SCHIP1: variants seen among roughly 807,000 people sequenced by gnomAD.
The protein encoded by SCHIP1 is schwannomin interacting protein 1, also known as schwannomin-interacting protein 1.
In SCHIP1, 8 loss-of-function variants were observed where a neutral mutation model predicts 29.7. The ratio of observed to expected loss-of-function variants is 0.27; its 90% CI spans 0.16 to 0.49. SCHIP1 has a LOEUF of 0.49. SCHIP1 is among the 20% of genes least tolerant of loss of function. The probability of loss-of-function intolerance (pLI) is 0.99; values close to 1 mark genes in which losing one functional copy is unlikely to be tolerated. For synonymous variants in SCHIP1, 76 were observed against 94.9 expected (o/e 0.80, Z 1.16); for missense variants, 193 against 294.6 (o/e 0.66, Z 2.52).
the SCHIP1 span, among the ~76,000 whole-genome samples, chr3:159,803,777 C>T: frequency 1.3e-5 from 2 of 152,198 alleles, no homozygotes; most frequent in Non-Finnish European, 2.9e-5. Flanking sequence ...TCTGTCACAG[C>T]GTTCCTTCGT....
At chr3:159,796,552 CT>C in the SCHIP1 span, among the ~76,000 whole-genome samples, 1 of 152,202 alleles carries the variant, frequency 6.6e-6, no homozygotes, top group Non-Finnish European at 1.5e-5. Flanking sequence ...GCAATGACAT[CT>C]GCAGGTGACA....
At chr3:159,510,789 GC>G in the SCHIP1 span, among the ~76,000 whole-genome samples, 1 of 152,160 alleles carries the variant, frequency 6.6e-6, no homozygotes, top group Non-Finnish European at 1.5e-5. Context: ...AGTGAATATT[GC>G]TGAACAGCTA....
the SCHIP1 span, among the ~76,000 whole-genome samples, chr3:159,785,283 C>A: frequency 6.6e-6 from 1 of 152,212 alleles, no homozygotes. Context: ...TCATTTTATA[C>A]ACCTACCAAT....
chr3:159,371,603 T>G, the SCHIP1 span, among the ~76,000 whole-genome samples: 55 of 152,236 alleles, frequency 3.6e-4, no homozygotes, highest in Non-Finnish European at 6.8e-4. Flanking sequence ...AACAATAGAG[T>G]GCAGTTCATC....
the SCHIP1 span, among the ~76,000 whole-genome samples, chr3:159,428,077 A>G: frequency 6.6e-6 from 1 of 152,120 alleles, no homozygotes; most frequent in East Asian, 1.9e-4. Flanking sequence ...TGTTAGACCT[A>G]AAACCATAAA....
the SCHIP1 span, among the ~76,000 whole-genome samples, chr3:159,384,588 T>C: frequency 2.0e-5 from 3 of 151,852 alleles, no homozygotes; most frequent in African/African-American, 7.2e-5. Context: ...GTTGTGTCTC[T>C]GCCTGGCTGT....
At chr3:159,836,332 G>A (rs939887036), upstream of SCHIP1, among the ~76,000 whole-genome samples, 32 of 152,198 alleles carry the variant, frequency 2.1e-4, no homozygotes, top group African/African-American at 7.2e-4. Context: ...AAGGGGCAAG[G>A]TAGCTCTCTT....
chr3:159,816,690 A>G, the SCHIP1 span, among the ~76,000 whole-genome samples: 8 of 152,362 alleles, frequency 5.3e-5, no homozygotes, highest in Middle Eastern at 3.4e-3. Context: ...CCTAACATAA[A>G]TTCAGCACTA....
chr3:159,615,038 T>C, the SCHIP1 span, among the ~76,000 whole-genome samples: 9 of 152,224 alleles, frequency 5.9e-5, no homozygotes, highest in Admixed American at 5.9e-4. Flanking sequence ...TTCTCCTTGG[T>C]GGTGGTCAGG....
chr3:159,318,563 G>A, the SCHIP1 span, among the ~76,000 whole-genome samples: 7 of 152,142 alleles, frequency 4.6e-5, no homozygotes, highest in Admixed American at 1.3e-4. Context: ...CCTGCATATC[G>A]TGCAGAACCA....
chr3:159,505,613 C>T, the SCHIP1 span, among the ~76,000 whole-genome samples: 1 of 152,134 alleles, frequency 6.6e-6, no homozygotes, highest in African/African-American at 2.4e-5. Context: ...CTAATGCTAT[C>T]CCCCTGGCCC....
chr3:159,436,511 T>C, the SCHIP1 span, among the ~76,000 whole-genome samples: 3 of 152,162 alleles, frequency 2.0e-5, no homozygotes, highest in Admixed American at 6.6e-5. Flanking sequence ...TAGAGGAGCT[T>C]TGTACCTTTT....
At chr3:159,318,808 T>C in the SCHIP1 span, among the ~76,000 whole-genome samples, 2 of 152,194 alleles carry the variant, frequency 1.3e-5, no homozygotes, top group African/African-American at 2.4e-5. Context: ...ACCCACTTTA[T>C]GGCTAGATGG....
the SCHIP1 span, among the ~76,000 whole-genome samples, chr3:159,673,466 A>G: frequency 6.6e-6 from 1 of 152,230 alleles, no homozygotes; most frequent in South Asian, 2.1e-4. Flanking sequence ...ATTGATCAAA[A>G]AGGCATAGCT....
chr3:159,406,628 A>T, the SCHIP1 span, among the ~76,000 whole-genome samples: 2 of 152,260 alleles, frequency 1.3e-5, no homozygotes, highest in African/African-American at 2.4e-5. Flanking sequence ...AACTAAACAC[A>T]TCTTGAATAC....
the SCHIP1 span, among the ~76,000 whole-genome samples, chr3:159,401,810 A>G: frequency 1.6e-4 from 25 of 152,308 alleles, no homozygotes; most frequent in South Asian, 5.2e-3. Flanking sequence ...TCTTTAATCC[A>G]TCTTGAATTA....
the SCHIP1 span, among the ~76,000 whole-genome samples, chr3:159,594,449 A>G: frequency 2.2e-4 from 33 of 152,334 alleles, no homozygotes; most frequent in East Asian, 2.3e-3. Flanking sequence ...TATTGGACTC[A>G]GTCCATTCCA....
At chr3:159,755,228 C>T in the SCHIP1 span, among the ~76,000 whole-genome samples, 1 of 151,936 alleles carries the variant, frequency 6.6e-6, no homozygotes, top group Non-Finnish European at 1.5e-5. Context: ...GAGCAAGACT[C>T]CCTCTCAAAA....
chr3:159,399,212 G>C, the SCHIP1 span, among the ~76,000 whole-genome samples: 1 of 152,008 alleles, frequency 6.6e-6, no homozygotes, highest in Non-Finnish European at 1.5e-5. Context: ...TTCTCAATGT[G>C]GCCTTACCAA....
Sources: gnomAD v4.1 joint callset for allele counts (sites outside exome capture counted in the v4.1 genomes callset) on GRCh38, gnomAD v4.1.1 for gene constraint, MANE v1.5 for transcripts, NCBI Gene and HGNC (gene_info 2026-07-23, HGNC 2026-07-21) for gene names.